The following GPM6B variants were observed in gnomAD, a reference collection of about 807,000 sequenced individuals.
The protein encoded by GPM6B is neuronal membrane glycoprotein M6-b.
A neutral mutation model predicts 27.2 loss-of-function variants in GPM6B; 4 were observed. The observed-to-expected ratio is 0.15, with a 90% CI of 0.07 to 0.34. GPM6B has a LOEUF of 0.34. GPM6B is among the 10% of genes least tolerant of loss of function. The probability of loss-of-function intolerance (pLI) is 1.00; values close to 1 mark genes in which losing one functional copy is unlikely to be tolerated. For missense variants in GPM6B, 183 were observed against 261.9 expected (o/e 0.70, Z 2.08); for synonymous variants, 124 against 103.1 (o/e 1.20, Z -1.23).
At chrX:13,776,627 T>C (rs1309034046) in intron 6 of GPM6B, among the ~76,000 whole-genome samples, 3 of 112,349 alleles carry the variant, frequency 2.7e-5, no homozygotes, top group Non-Finnish European at 5.6e-5. Context: ...CTGCATATTA[T>C]GGATATACAA....
intron 1 of GPM6B, among the ~76,000 whole-genome samples, chrX:13,930,569 G>A (rs1238301268): frequency 4.5e-5 from 5 of 110,125 alleles, no homozygotes; most frequent in African/African-American, 9.9e-5. Flanking sequence ...AGCCGAGATC[G>A]TGCCACTGCA....
At chrX:13,854,282 T>TA (rs1241357306) in intron 1 of GPM6B, among the ~76,000 whole-genome samples, 1 of 111,810 alleles carries the variant, frequency 8.9e-6, no homozygotes, top group Non-Finnish European at 1.9e-5. Context: ...CTGCTTCTTT[T>TA]AAAAAATGCC....
intron 1 of GPM6B, among the ~76,000 whole-genome samples, chrX:13,857,369 G>C (rs2049793257): frequency 8.9e-6 from 1 of 111,933 alleles, no homozygotes; most frequent in Admixed American, 9.5e-5. Flanking sequence ...CACTTATATA[G>C]ATAGAATCCA....
At chrX:13,807,983 T>G (rs2049054598) in intron 1 of GPM6B, among the ~76,000 whole-genome samples, 1 of 112,616 alleles carries the variant, frequency 8.9e-6, no homozygotes, top group African/African-American at 3.2e-5. Flanking sequence ...CTTTATTTTC[T>G]ACATCTTTCC....
At chrX:13,842,977 A>G (rs2049597886) in intron 1 of GPM6B, among the ~76,000 whole-genome samples, 1 of 111,328 alleles carries the variant, frequency 9.0e-6, no homozygotes, top group African/African-American at 3.3e-5. Flanking sequence ...ACAATTTTTA[A>G]TATATTCCCC....
intron 1 of GPM6B, among the ~76,000 whole-genome samples, chrX:13,842,848 A>C (rs1428235267): frequency 8.9e-6 from 1 of 112,412 alleles, no homozygotes; most frequent in African/African-American, 3.2e-5. Context: ...AGCATAAAAT[A>C]ATGTATTAAT....
intron 1 of GPM6B, among the ~76,000 whole-genome samples, chrX:13,920,979 G>C (rs1020152406): frequency 1.8e-5 from 2 of 111,349 alleles, no homozygotes; most frequent in Non-Finnish European, 3.8e-5. Context: ...ATGAATATTT[G>C]AGAGTTTGCT....
intron 2 of GPM6B, among the ~76,000 whole-genome samples, chrX:13,792,851 G>GATTGTGCCACTGCACTCCAGCCTGGCGAC (rs2048738599): frequency 9.5e-6 from 1 of 105,027 alleles, no homozygotes; most frequent in Non-Finnish European, 1.9e-5. Context: ...AGTGAGCTGA[G>GATTGTGCCACTGCACTCCAGCCTGGCGAC]ATTGTGCCAC....
At chrX:13,799,190 A>ATTTTTTTTTTTTTTTTTTTTTTTTTT (rs763194245) in intron 2 of GPM6B, among the ~76,000 whole-genome samples, 1 of 35,957 alleles carries the variant, frequency 2.8e-5, no homozygotes, top group Non-Finnish European at 4.7e-5. Context: ...AGCCAACCTA[A>ATTTTTTTTTTTTTTTTTTTTTTTTTT]TTTTTTTTTT....
chrX:13,861,160 C>CACAT (rs928272872), intron 1 of GPM6B, among the ~76,000 whole-genome samples: 10 of 99,052 alleles, frequency 1.0e-4, no homozygotes, highest in Non-Finnish European at 1.2e-4. Context: ...TACATATACA[C>CACAT]ACATACATAT....
In GPM6B at chrX:13,771,281, A is replaced by AC. The variant is rs1476766052; in HGVS notation, c.*1599dup. On this transcript the variant is annotated 3_prime_UTR_variant, in exon 8 of 8. Transcript: ENST00000316715. Reference sequence around the variant, plus strand: ...TTCTAGAACACTGGACTCTGACAGCACCTCCACTGCTGGAAAGAATAGTTA... The same window carrying AC: ...TTCTAGAACACTGGACTCTGACAGCACCCTCCACTGCTGGAAAGAATAGTTA... 9.0e-6 allele frequency: 1 copy of AC among 111,227 alleles called. No homozygotes were observed. Among genetic ancestry groups the AC allele is most frequent in the Non-Finnish European group, 1.9e-5 (1 of 52,916 alleles). 9.2% of individuals were successfully genotyped at this position (111,227 alleles called of 1,213,427 possible). A position where few individuals can be genotyped will look rare whatever the true frequency, so the allele number is the denominator to read the frequency against.
chrX:13,792,350 G>A (rs758995760), intron 2 of GPM6B, among the ~76,000 whole-genome samples: 2 of 111,939 alleles, frequency 1.8e-5, no homozygotes, highest in Non-Finnish European at 3.8e-5. Flanking sequence ...CTCCAATGTG[G>A]AGATTCTCTG....
intron 1 of GPM6B, among the ~76,000 whole-genome samples, chrX:13,871,488 C>A (rs1245052033): frequency 8.9e-6 from 1 of 112,034 alleles, no homozygotes; most frequent in Non-Finnish European, 1.9e-5. Flanking sequence ...GGATGAGAAT[C>A]GAGTTAGATT....
intron 1 of GPM6B, among the ~76,000 whole-genome samples, chrX:13,822,503 C>T (rs924595413): frequency 2.7e-5 from 3 of 110,069 alleles, no homozygotes; most frequent in African/African-American, 9.9e-5. Context: ...GTCGCTGGGA[C>T]TACAGGCGTG....
intron 1 of GPM6B, among the ~76,000 whole-genome samples, chrX:13,908,563 GC>G (rs748205355): frequency 8.9e-6 from 1 of 112,319 alleles, no homozygotes; most frequent in South Asian, 3.7e-4. Flanking sequence ...ATTGGATCCT[GC>G]CACAGCAAAG....
chrX:13,900,430 G>A (rs1345276679), intron 1 of GPM6B, among the ~76,000 whole-genome samples: 2 of 111,139 alleles, frequency 1.8e-5, no homozygotes, highest in African/African-American at 3.3e-5. Context: ...AGGGTTACCC[G>A]AAATTGGAGG....
At chrX:13,864,885 C>CCTAT (rs1478457950) in intron 1 of GPM6B, among the ~76,000 whole-genome samples, 1 of 111,820 alleles carries the variant, frequency 8.9e-6, no homozygotes, top group Non-Finnish European at 1.9e-5. Flanking sequence ...AGTAACAAAC[C>CCTAT]CTATATACAG....
At position 13,773,018 on chromosome X, in the gene GPM6B, T is replaced by C; in HGVS notation, c.850A>G (p.Met284Val). Residue 284 changes from methionine (M) to valine (V), a missense_variant, in exon 8 of 8, where the codon ATG becomes GTG. Coordinates refer to ENST00000316715, the MANE Select transcript of GPM6B (RefSeq NM_001001995.3). ...ATVIALIHFLMILSSNWAYLK... is the reference protein window; with the variant it reads ...ATVIALIHFLVILSSNWAYLK... ...TAAGCCCAGTTAGAAGACAGTATCATGAGGAAGTGGATCTGGAAGAGAAGG... is the reference window on the plus strand; with the variant it reads ...TAAGCCCAGTTAGAAGACAGTATCACGAGGAAGTGGATCTGGAAGAGAAGG... 8.3e-7 allele frequency: 1 copy of C among 1,209,896 alleles called. No individual in the cohort carries two copies. The highest frequency in any genetic ancestry group is 1.1e-6 in the Non-Finnish European group (1 of 894,117).
chrX:13,779,840 G>C lies in GPM6B; in HGVS notation c.675C>G (p.Ile225Met), dbSNP rs774122710. ...QTNGTTGVEQ[I>M]CVDIRQYGII... The stretch of plus-strand genomic sequence containing the variant: ...TACCGTATTGTCGGATATCCACACA[G>C]ATCTGCTCCACACCCGTGGTCCCGT... The change falls in exon 5 of 8, where the codon ATC (isoleucine) becomes ATG (methionine). Residue 225 changes from isoleucine (I) to methionine (M), a missense_variant. Ile to Met is a conservative substitution (Grantham distance 10, BLOSUM62 1). Coordinates refer to ENST00000316715, the MANE Select transcript of GPM6B (RefSeq NM_001001995.3). The C allele has an allele frequency of 5.9e-6, 7 of 1,186,970 alleles. No individual in the cohort carries two copies. In the East Asian group the frequency reaches 1.5e-4, roughly 25 times the overall value.
Sources: gnomAD v4.1 joint callset for allele counts (sites outside exome capture counted in the v4.1 genomes callset) on GRCh38, gnomAD v4.1.1 for gene constraint, MANE v1.5 for transcripts, NCBI Gene and HGNC (gene_info 2026-07-23, HGNC 2026-07-21) for gene names.